WDR7: variants seen among roughly 807,000 people sequenced by gnomAD.
WDR7 encodes the protein WD repeat domain 7, also known as WD repeat-containing protein 7.
Under a neutral mutation model 169.4 loss-of-function variants are expected in WDR7, and 46 were observed. The observed-to-expected ratio is 0.27, with a 90% CI of 0.21 to 0.35. The LOEUF is 0.35. Among genes scored for constraint, WDR7 ranks in the 10% least tolerant of loss-of-function variants. The pLI, the probability that WDR7 is intolerant of heterozygous loss-of-function variation, is 1.00. For synonymous variants in WDR7, 612 were observed against 666.8 expected, an observed-to-expected ratio of 0.92 and a Z score of 1.27; for missense variants, 1,534 against 1,859.3, an observed-to-expected ratio of 0.83 and a Z score of 3.22.
intron 22 of WDR7, among the ~76,000 whole-genome samples, chr18:56,935,381 T>G (rs928195353): frequency 6.6e-6 from 1 of 152,208 alleles, no homozygotes; most frequent in African/African-American, 2.4e-5. Context: ...TTGCCTTCCT[T>G]TCAGATATAC....
At chr18:56,857,897 A>G (rs182891696) in intron 20 of WDR7, among the ~76,000 whole-genome samples, 7 of 152,024 alleles carry the variant, frequency 4.6e-5, no homozygotes, top group Admixed American at 2.6e-4. Context: ...GTCCCCTCCT[A>G]CCTTCTCTGT....
intron 2 of WDR7, 69 bp downstream of exon 2, chr18:56,672,743 C>A: frequency 7.1e-7 from 1 of 1,400,122 alleles, no homozygotes; most frequent in Admixed American, 2.7e-5. Flanking sequence ...TAATATAGTC[C>A]CCAAATGATG....
At chr18:56,756,339 C>T (rs946478042) in intron 14 of WDR7, among the ~76,000 whole-genome samples, 6 of 152,032 alleles carry the variant, frequency 3.9e-5, no homozygotes, top group South Asian at 2.1e-4. Context: ...CTATTATTTT[C>T]TTGGTTTTTA....
intron 14 of WDR7, among the ~76,000 whole-genome samples, chr18:56,756,011 C>T (rs1256768685): frequency 6.6e-6 from 1 of 151,942 alleles, no homozygotes; most frequent in Non-Finnish European, 1.5e-5. Context: ...CTAAAAGGGA[C>T]AGAAATTTGG....
In WDR7 at chr18:56,731,452, C is replaced by G; in HGVS notation, c.1844C>G (p.Pro615Arg). 6.2e-7 allele frequency: 1 copy of G among 1,614,140 alleles called. No individual in the cohort carries two copies. The highest frequency in any genetic ancestry group is 8.5e-7 in the Non-Finnish European group (1 of 1,180,014). Residue 615 changes from proline to arginine, a missense_variant, in exon 14 of 28, where the codon CCT (proline) becomes CGT (arginine). Coordinates refer to ENST00000254442, the MANE Select transcript of WDR7 (RefSeq NM_015285.3). ...EILNACDEAVPAAVDSLSHPA... is the reference protein window; with the variant it reads ...EILNACDEAVRAAVDSLSHPA... ...CTAAACGCTTGTGATGAAGCTGTTC[C>G]TGCTGCTGTTGATTCACTTAGTCAT... is the stretch of plus-strand genomic sequence containing the variant.
rs144269004 is a variant in WDR7 at position 56,801,778 on chromosome 18, T to C, written c.3191-14253T>C. 1.1e-4 allele frequency among the ~76,000 whole-genome samples: 16 copies of C among 152,348 alleles called. No homozygotes were observed. The East Asian group carries it at 3.1e-3, about 29-fold the overall frequency. On this transcript the variant is annotated intron_variant, in intron 19 of 27. Coordinates refer to ENST00000254442, the MANE Select transcript of WDR7 (RefSeq NM_015285.3). ...TCATTCATGTTATTGCAGGAATCAA[T>C]AATTCATTCCTTTTTATTGCTAAAT...
At chr18:56,924,855 G>C (rs2046780923) in intron 22 of WDR7, among the ~76,000 whole-genome samples, 1 of 152,186 alleles carries the variant, frequency 6.6e-6, no homozygotes, top group African/African-American at 2.4e-5. Context: ...TATAATCACA[G>C]TGTTGTGCAA....
chr18:56,956,200 T>C (rs1203454592), intron 25 of WDR7, among the ~76,000 whole-genome samples: 1 of 152,154 alleles, frequency 6.6e-6, no homozygotes, highest in Non-Finnish European at 1.5e-5. Flanking sequence ...TTTGAACTAG[T>C]GCTCTCCACA....
At chr18:56,657,115 G>C (rs2024792524) in intron 1 of WDR7, among the ~76,000 whole-genome samples, 1 of 151,286 alleles carries the variant, frequency 6.6e-6, no homozygotes, top group Admixed American at 6.6e-5. Context: ...TTATTCCTGG[G>C]TTTATCTGTT....
At chr18:56,903,994 T>C (rs957794582) in intron 21 of WDR7, among the ~76,000 whole-genome samples, 1 of 152,180 alleles carries the variant, frequency 6.6e-6, no homozygotes, top group Non-Finnish European at 1.5e-5. Flanking sequence ...ATGCAGTGTT[T>C]AGTTAATGCA....
At position 56,935,898 on chromosome 18, in the gene WDR7, C is replaced by T; in HGVS notation, c.3824C>T (p.Ala1275Val). The T allele has an allele frequency of 6.2e-7, 1 of 1,613,450 alleles. No individual in the cohort carries two copies. Among genetic ancestry groups the T allele is most frequent in the Non-Finnish European group, 8.5e-7 (1 of 1,179,714 alleles). ...CCACCCGCCTTCATCACCACCATAG[C>T]CAAAGAGGTGAGCGGAACTTCTCAG... ...ARPPAFITTI[A>V]KEVHRHTALA... Residue 1275 changes from alanine (A) to valine (V), a missense_variant, in exon 23 of 28, where the codon GCC becomes GTC. Transcript: ENST00000254442.
At chr18:56,812,006 G>A (rs2044877167) in intron 19 of WDR7, among the ~76,000 whole-genome samples, 1 of 151,956 alleles carries the variant, frequency 6.6e-6, no homozygotes, top group Non-Finnish European at 1.5e-5. Flanking sequence ...AAACTTACTG[G>A]GATTTTGTTA....
chr18:56,998,275 G>A (rs367930942), intron 26 of WDR7, among the ~76,000 whole-genome samples: 4 of 152,136 alleles, frequency 2.6e-5, no homozygotes, highest in African/African-American at 4.8e-5. Context: ...AGCTGTGCTC[G>A]TTCCCCAGGA....
At chr18:56,896,003 G>T (rs1183329700) in intron 21 of WDR7, among the ~76,000 whole-genome samples, 2 of 151,652 alleles carry the variant, frequency 1.3e-5, no homozygotes, top group South Asian at 2.1e-4. Flanking sequence ...ACAATATACT[G>T]GTTACTATTT....
chr18:56,725,717 G>C (rs2026434149), intron 13 of WDR7, among the ~76,000 whole-genome samples: 1 of 152,174 alleles, frequency 6.6e-6, no homozygotes. Context: ...TTTTAGACAT[G>C]AAGTCCTTGC....
chr18:56,929,449 T>C (rs1356369887), intron 22 of WDR7, among the ~76,000 whole-genome samples: 2 of 152,250 alleles, frequency 1.3e-5, no homozygotes, highest in Admixed American at 6.5e-5. Context: ...GTCATGGGAT[T>C]TAAAGATTTT....
chr18:56,903,860 A>G (rs1452231563), intron 21 of WDR7, among the ~76,000 whole-genome samples: 1 of 152,172 alleles, frequency 6.6e-6, no homozygotes, highest in Non-Finnish European at 1.5e-5. Flanking sequence ...AAGTTATTTT[A>G]AAAATTTGGT....
At chr18:56,906,502 G>A (rs1488392262) in intron 21 of WDR7, among the ~76,000 whole-genome samples, 3 of 151,870 alleles carry the variant, frequency 2.0e-5, no homozygotes, top group Non-Finnish European at 4.4e-5. Flanking sequence ...GGTACAGCAA[G>A]GCTTATATGC....
At chr18:56,832,078 T>C (rs142798029) in intron 20 of WDR7, among the ~76,000 whole-genome samples, 42 of 152,292 alleles carry the variant, frequency 2.8e-4, no homozygotes, top group Middle Eastern at 3.4e-3. Flanking sequence ...CCCAGCAAGC[T>C]AAGATCCACA....
Sources: gnomAD v4.1 joint callset for allele counts (sites outside exome capture counted in the v4.1 genomes callset) on GRCh38, gnomAD v4.1.1 for gene constraint, MANE v1.5 for transcripts, NCBI Gene and HGNC (gene_info 2026-07-23, HGNC 2026-07-21) for gene names.